The following ALG9 variants were observed in gnomAD, a reference collection of about 807,000 sequenced individuals.
The protein encoded by ALG9 is ALG9 alpha-1,2-mannosyltransferase, also known as alpha-1,2-mannosyltransferase ALG9.
Under a neutral mutation model 81.8 loss-of-function variants are expected in ALG9, and 55 were observed. The observed-to-expected ratio is 0.67, with a 90% CI of 0.54 to 0.84. The LOEUF (loss-of-function observed/expected upper bound fraction) is 0.84, where lower values mean the gene tolerates loss of function less well. Ranked by LOEUF, ALG9 falls within the 40% of genes least tolerant of loss-of-function variation. The pLI is 0.00. For missense variants in ALG9, 629 were observed against 745.0 expected (o/e 0.84, Z 1.81); for synonymous variants, 278 against 274.3 (o/e 1.01, Z -0.13).
rs183514895 is a variant in ALG9, at chr11:111,792,279, A to G, written c.1734-5759T>C. On this transcript the variant is annotated intron_variant, in intron 14 of 14. Transcript: ENST00000616540. ...AAAACACACCCACATTCTAGGGGCC[A>G]TGTCTGTTTTATCTGCCAACATGTG... Among the ~76,000 whole-genome samples, 4 of 152,336 alleles carry G rather than the reference A, an allele frequency of 2.6e-5. No individual in the cohort carries two copies. The South Asian group carries it at 8.3e-4, about 32-fold the overall frequency.
At chr11:111,794,987 T>C (rs1555073970) in intron 14 of ALG9, among the ~76,000 whole-genome samples, 1 of 152,232 alleles carries the variant, frequency 6.6e-6, no homozygotes, top group East Asian at 1.9e-4. Flanking sequence ...TGTTATTTAA[T>C]AGTTTTTAAC....
intron 5 of ALG9, chr11:111,858,089 A>C: frequency 3.0e-6 from 1 of 338,224 alleles, no homozygotes; most frequent in Non-Finnish European, 5.8e-6. Context: ...GGCACGTGCC[A>C]CCACACCCAG....
chr11:111,780,688 T>C (rs1419075480), downstream of ALG9, among the ~76,000 whole-genome samples: 1 of 152,192 alleles, frequency 6.6e-6, no homozygotes, highest in African/African-American at 2.4e-5. Flanking sequence ...TGAGCCACCA[T>C]GTCCGGCCAA....
chr11:111,795,676 G>A (rs1555074770), intron 14 of ALG9, among the ~76,000 whole-genome samples: 1 of 152,234 alleles, frequency 6.6e-6, no homozygotes, highest in African/African-American at 2.4e-5. Flanking sequence ...GAAGTTTACT[G>A]AGGCACAAAC....
chr11:111,820,607 G>A (rs1229668382), intron 13 of ALG9, among the ~76,000 whole-genome samples: 2 of 152,068 alleles, frequency 1.3e-5, no homozygotes, highest in Admixed American at 6.6e-5. Flanking sequence ...TGAACTTTGG[G>A]GGACACAAAC....
rs1946047140 is a variant in ALG9, at chr11:111,782,662, G to C, written c.*3735C>G. 2 of 152,206 alleles carry C rather than the reference G, an allele frequency of 1.3e-5. No homozygotes were observed. Among genetic ancestry groups the C allele is most frequent in the Admixed American group, 1.3e-4 (2 of 15,286 alleles). The allele number at this position is 152,206 out of a possible 1,614,324, so 9.4% of individuals were successfully genotyped here. On this transcript the variant is annotated 3_prime_UTR_variant, in exon 15 of 15. Coordinates refer to ENST00000616540, the MANE Select transcript of ALG9 (RefSeq NM_024740.2). ...CAGAGCTGCCTGATACTAGCCAGAA[G>C]ACTACATAATCACAGTGAATTCTTA... is the stretch of plus-strand genomic sequence containing the variant.
chr11:111,860,431 G>A (rs1959681217), intron 5 of ALG9, 116 bp downstream of exon 5: 1 of 877,214 alleles, frequency 1.1e-6, no homozygotes, highest in African/African-American at 1.6e-5. Context: ...CCTACATTTG[G>A]ACAAATGCTT....
chr11:111,798,779 C>A (rs1555077800), intron 14 of ALG9, among the ~76,000 whole-genome samples: 1 of 152,172 alleles, frequency 6.6e-6, no homozygotes, highest in East Asian at 1.9e-4. Flanking sequence ...AGTTCTGGTA[C>A]TAGTTGTGTG....
At position 111,857,583 on chromosome 11, in the gene ALG9, A is replaced by C; in HGVS notation, c.701+19T>G. The C allele has an allele frequency of 6.2e-7, 1 of 1,614,096 alleles. No homozygotes were observed. Among genetic ancestry groups the C allele is most frequent in the Non-Finnish European group, 8.5e-7 (1 of 1,180,002 alleles). ...TATATGCCCAGCGATATATGGGAGG[A>C]GAACTGTTAGTTTCTTACCCAAGAG... On this transcript the variant is annotated intron_variant, in intron 6 of 14. Coordinates refer to ENST00000616540, the MANE Select transcript of ALG9 (RefSeq NM_024740.2).
downstream of ALG9, among the ~76,000 whole-genome samples, chr11:111,781,383 T>C (rs1025619911): frequency 6.6e-6 from 1 of 152,230 alleles, no homozygotes; most frequent in African/African-American, 2.4e-5. Flanking sequence ...GCAGGAGGAC[T>C]GTTTGTTGTT....
rs571165317 is a variant in ALG9, at chr11:111,838,548, A to T, written c.1174-149T>A. On this transcript the variant is annotated intron_variant, in intron 10 of 14. Transcript: ENST00000616540. ...ACTCCAAACTCTAAGATAAAAGCCA[A>T]CTCCTCTAAGACTACCTGTAGTCTT... The T allele has an allele frequency of 1.2e-4, 84 of 679,360 alleles. 1 individual carries two copies. In the South Asian group the frequency reaches 1.5e-3, roughly 12 times the overall value. 42.1% of individuals were successfully genotyped at this position (679,360 alleles called of 1,614,324 possible).
intron 9 of ALG9, 113 bp from the exon 10 acceptor site, chr11:111,840,922 G>A (rs1461238809): frequency 7.9e-7 from 1 of 1,258,450 alleles, no homozygotes; most frequent in Non-Finnish European, 1.1e-6. Context: ...ACACTCCATA[G>A]AATGTTTCTA....
At chr11:111,771,054 AAG>A in the ALG9 span, 1 of 152,304 alleles carries the variant, frequency 6.6e-6, no homozygotes, top group South Asian at 2.1e-4. Context: ...ACAAAGCATC[AAG>A]AATATAGGAA....
intron 2 of ALG9, 134 bp from the exon 3 acceptor site, chr11:111,868,870 C>A: frequency 2.2e-6 from 2 of 911,856 alleles, no homozygotes; most frequent in Non-Finnish European, 3.0e-6. Flanking sequence ...CCTATAATCC[C>A]AGCACTTTGG....
chr11:111,859,114 A>G (rs1406254789), intron 5 of ALG9, among the ~76,000 whole-genome samples: 2 of 152,122 alleles, frequency 1.3e-5, no homozygotes, highest in Non-Finnish European at 2.9e-5. Context: ...GCTGTAGTGG[A>G]AAGACTGCTA....
At chr11:111,843,489 G>C (rs1470529299) in intron 9 of ALG9, among the ~76,000 whole-genome samples, 2 of 152,086 alleles carry the variant, frequency 1.3e-5, no homozygotes, top group African/African-American at 4.8e-5. Flanking sequence ...CCAAAGAAAA[G>C]TGACTCTGAA....
downstream of ALG9, chr11:111,778,223 A>G (rs1461170632): frequency 6.6e-6 from 1 of 152,176 alleles, no homozygotes; most frequent in Non-Finnish European, 1.5e-5. Flanking sequence ...TCTGAAGGCC[A>G]GGCAGTATTC....
In ALG9 at chr11:111,786,304, T is replaced by C. The variant is rs952153207; in HGVS notation, c.*93A>G. On this transcript the variant is annotated 3_prime_UTR_variant, in exon 15 of 15. Transcript: ENST00000616540. ...CAGTATTCATGTCAGAAGACCTTTATTACAAATGTTACAGGCGATGACTTG... is the reference window on the plus strand; with the variant it reads ...CAGTATTCATGTCAGAAGACCTTTACTACAAATGTTACAGGCGATGACTTG... 3 of 1,579,492 alleles carry C rather than the reference T, an allele frequency of 1.9e-6. No individual in the cohort carries two copies. Among genetic ancestry groups the C allele is most frequent in the Non-Finnish European group, 2.6e-6 (3 of 1,151,438 alleles).
chr11:111,821,064 C>T (rs891040528), intron 13 of ALG9, among the ~76,000 whole-genome samples: 7 of 151,964 alleles, frequency 4.6e-5, no homozygotes, highest in Admixed American at 6.6e-5. Context: ...CAATTGCACT[C>T]CAGCCTGGGC....
Sources: allele counts gnomAD v4.1 joint callset (sites outside exome capture counted in the v4.1 genomes callset), GRCh38; gene constraint gnomAD v4.1.1; transcripts MANE v1.5; gene names NCBI Gene and HGNC (gene_info 2026-07-23, HGNC 2026-07-21).